MROH2A: variants seen among roughly 807,000 people sequenced by gnomAD.
The protein encoded by MROH2A is maestro heat-like repeat-containing protein family member 2A.
In MROH2A, 174 loss-of-function variants were observed where a neutral mutation model predicts 200.4. The ratio of observed to expected loss-of-function variants is 0.87; its 90% CI spans 0.77 to 0.98. The LOEUF (loss-of-function observed/expected upper bound fraction) is 0.98. Ranked by LOEUF, MROH2A falls within the 50% of genes least tolerant of loss-of-function variation. The pLI, the probability that MROH2A is intolerant of heterozygous loss-of-function variation, is 0.00. For synonymous variants in MROH2A, 829 were observed against 840.4 expected (o/e 0.99, Z 0.23); for missense variants, 2,045 against 2,139.6 (o/e 0.96, Z 0.87).
At position 233,805,060 on chromosome 2, in the gene MROH2A, T is replaced by C. The variant is rs4430949; in HGVS notation, c.2001T>C (p.Ser667=). 0.25 allele frequency: 383,033 copies of C among 1,549,586 alleles called. 53,130 individuals carry two copies. Among genetic ancestry groups the C allele is most frequent in the African/African-American group, 0.53 (38,409 of 73,014 alleles). ...GGTCTAGCTGGAGCCTGCGCTTGAGTAAAGAGCTGAACAACCAGATTGCGA... is the reference window on the plus strand; with the variant it reads ...GGTCTAGCTGGAGCCTGCGCTTGAGCAAAGAGCTGAACAACCAGATTGCGA... ...TRGSSWSLRL[S]KELNNQIASF... Residue 667 remains serine (S), a synonymous_variant, in exon 19 of 42, where the codon AGT becomes AGC. Transcript: ENST00000389758.
At chr2:233,816,240 TTC>T (rs1703515437) in intron 26 of MROH2A, among the ~76,000 whole-genome samples, 1 of 152,228 alleles carries the variant, frequency 6.6e-6, no homozygotes, top group African/African-American at 2.4e-5. Flanking sequence ...CTTTTTGATG[TTC>T]TGTCTTTTTG....
chr2:233,780,747 T>C (rs1252735434), intron 3 of MROH2A, among the ~76,000 whole-genome samples: 1 of 152,214 alleles, frequency 6.6e-6, no homozygotes, highest in Non-Finnish European at 1.5e-5. Context: ...CATTCAAAAC[T>C]GTTTCTTCTA....
In MROH2A at chr2:233,800,384, A is replaced by C. The variant is rs539396898; in HGVS notation, c.1560+69A>C. The C allele has an allele frequency of 7.0e-6, 6 of 862,014 alleles. No individual in the cohort carries two copies. In the South Asian group the frequency reaches 8.6e-5, roughly 12 times the overall value. 53.4% of individuals were successfully genotyped at this position (862,014 alleles called of 1,614,324 possible). On this transcript the variant is annotated intron_variant, in intron 14 of 41. Coordinates refer to ENST00000389758, the MANE Select transcript of MROH2A (RefSeq NM_001394639.1). ...GGCTGGGGGTGAACCACACATGCCC[A>C]GAATTCCACATCTTTGCTTCTTCCG...
chr2:233,804,202 C>T lies in MROH2A; in HGVS notation c.1891+10C>T. 2 of 1,550,254 alleles carry T rather than the reference C, an allele frequency of 1.3e-6. No individual in the cohort carries two copies. Among genetic ancestry groups the T allele is most frequent in the Non-Finnish European group, 1.7e-6 (2 of 1,146,834 alleles). The stretch of plus-strand genomic sequence containing the variant: ...GTCCGGTACCTGGAAGGTGAGGTTC[C>T]TGGGGAGCCCATCCCAAGCCAACCC... On this transcript the variant is annotated intron_variant, in intron 17 of 41. Transcript: ENST00000389758.
intron 35 of MROH2A, among the ~76,000 whole-genome samples, chr2:233,826,648 G>C (rs1704328573): frequency 6.6e-6 from 1 of 152,142 alleles, no homozygotes; most frequent in East Asian, 1.9e-4. Flanking sequence ...ATACCATTCA[G>C]GACATGGGCA....
intron 22 of MROH2A, among the ~76,000 whole-genome samples, chr2:233,809,947 C>T (rs7588641): frequency 0.24 from 36,176 of 152,100 alleles, 4,586 homozygotes; most frequent in African/African-American, 0.32. Flanking sequence ...CTTTACTCTT[C>T]CTGTCTGTGT....
intron 6 of MROH2A, 39 bp from the exon 7 acceptor site, chr2:233,793,634 C>T (rs1006526093): frequency 1.1e-4 from 144 of 1,341,094 alleles, no homozygotes; most frequent in African/African-American, 1.4e-4. Flanking sequence ...GCTTCCAGCC[C>T]CTCTGGCGCC....
intron 25 of MROH2A, 57 bp from the exon 26 acceptor site, chr2:233,814,525 A>AG (rs1242624218): frequency 1.8e-5 from 23 of 1,278,706 alleles, no homozygotes; most frequent in Non-Finnish European, 2.2e-5. Flanking sequence ...CCCTGCAGGG[A>AG]GGGGGGTTGT....
chr2:233,792,771 G>A (rs1346150928), intron 5 of MROH2A, 25 bp from the exon 6 acceptor site: 1 of 1,458,376 alleles, frequency 6.9e-7, no homozygotes, highest in East Asian at 2.5e-5. Context: ...CCAACTTCCT[G>A]TAATCATCCC....
Position 233,804,055 on chromosome 2 carries a change from T to C in MROH2A, c.1754T>C (p.Leu585Pro), listed in dbSNP as rs1373332907. Residue 585 changes from leucine (L) to proline (P), a missense_variant, in exon 17 of 42, where the codon CTG becomes CCG. By Grantham distance (98) the Leu-to-Pro change is moderately conservative (BLOSUM62 -3). This residue lies in a region of MROH2A where 831 missense variants were observed against 800.0 expected (regional missense o/e 1.04). Coordinates refer to ENST00000389758, the MANE Select transcript of MROH2A (RefSeq NM_001394639.1). ...PQKLLARLLV[L>P]MSSPYKGEGR... Reference sequence around the variant, plus strand: ...TGGAGCCTTGGTGCCCTCCAGGTGCTGATGTCATCACCTTACAAGGGGGAG... The same window carrying C: ...TGGAGCCTTGGTGCCCTCCAGGTGCCGATGTCATCACCTTACAAGGGGGAG... 5 of 1,550,414 alleles carry C rather than the reference T, an allele frequency of 3.2e-6. No homozygotes were observed. Among genetic ancestry groups the C allele is most frequent in the Non-Finnish European group, 4.4e-6 (5 of 1,146,970 alleles).
intron 3 of MROH2A, among the ~76,000 whole-genome samples, chr2:233,783,223 G>A (rs1049758162): frequency 6.6e-6 from 1 of 152,018 alleles, no homozygotes; most frequent in Non-Finnish European, 1.5e-5. Flanking sequence ...GGGTAATGCT[G>A]GCCTTGTAGT....
At chr2:233,804,371 G>A in intron 17 of MROH2A, 124 bp from the exon 18 acceptor site, 1 of 1,311,810 alleles carries the variant, frequency 7.6e-7, no homozygotes, top group Admixed American at 2.1e-5. Flanking sequence ...AATGCAACGT[G>A]TGATGTGTTC....
At chr2:233,831,679 G>T in intron 39 of MROH2A, 139 bp downstream of exon 39, 1 of 961,054 alleles carries the variant, frequency 1.0e-6, no homozygotes, top group Non-Finnish European at 1.5e-6. Flanking sequence ...CCGGCACTGT[G>T]CAGCAGAAAT....
chr2:233,789,856 A>T lies in MROH2A; in HGVS notation c.413A>T (p.Glu138Val). 1 of 1,548,844 alleles carries T rather than the reference A, an allele frequency of 6.5e-7. No individual in the cohort carries two copies. Among genetic ancestry groups the T allele is most frequent in the Admixed American group, 2.0e-5 (1 of 50,854 alleles). The change falls in exon 5 of 42, where the codon GAG becomes GTG. Residue 138 changes from glutamate (E) to valine (V), a missense_variant. Around this residue, in one of 3 missense-constraint regions of MROH2A, gnomAD observed 831 missense variants for 800.0 expected, o/e 1.04. Coordinates refer to ENST00000389758, the MANE Select transcript of MROH2A (RefSeq NM_001394639.1). The part of the protein sequence containing the change: ...SKEMREIPEM[E>V]GYMKAEVASD... ...TCCCTCTTCTGTCTCCTGCAGATGG[A>T]GGGCTATATGAAGGCAGAGGTGGCC...
intron 31 of MROH2A, among the ~76,000 whole-genome samples, chr2:233,821,147 G>A (rs1236130243): frequency 6.6e-6 from 1 of 152,198 alleles, no homozygotes; most frequent in Non-Finnish European, 1.5e-5. Context: ...CATGGTTCAG[G>A]AGTCAAGGCA....
chr2:233,803,338 G>A lies in MROH2A; in HGVS notation c.1709-110G>A, dbSNP rs961426283. On this transcript the variant is annotated intron_variant, in intron 15 of 41. Coordinates refer to ENST00000389758, the MANE Select transcript of MROH2A (RefSeq NM_001394639.1). ...TCCATTCTGGGGGTTTGGGGAACAA[G>A]ATCATGTTGGGGAGGAACCTTCTAG... is the stretch of plus-strand genomic sequence containing the variant. 2.0e-5 allele frequency: 24 copies of A among 1,180,820 alleles called. No homozygotes were observed. In the African/African-American group the frequency reaches 2.9e-4, roughly 14 times the overall value. 73.1% of individuals were successfully genotyped at this position (1,180,820 alleles called of 1,614,324 possible).
At position 233,828,528 on chromosome 2, in the gene MROH2A, C is replaced by T. The variant is rs1704476052; in HGVS notation, c.4114-102C>T. ...GCTCTCAGAGCCCCTCCCCTCCTGT[C>T]CACAGAGCCACCAATCTGCATTACC... is the stretch of plus-strand genomic sequence containing the variant. On this transcript the variant is annotated intron_variant, in intron 35 of 41. Transcript: ENST00000389758. The surrounding 1 kb of genome is among the most constrained non-coding windows in gnomAD (Gnocchi z 4.6). 2 of 1,417,258 alleles carry T rather than the reference C, an allele frequency of 1.4e-6. No homozygotes were observed. Among genetic ancestry groups the T allele is most frequent in the Non-Finnish European group, 9.5e-7 (1 of 1,053,510 alleles). 87.8% of individuals were successfully genotyped at this position (1,417,258 alleles called of 1,614,324 possible).
chr2:233,819,090 A>G (rs551331200), intron 29 of MROH2A, among the ~76,000 whole-genome samples: 1 of 152,362 alleles, frequency 6.6e-6, no homozygotes, highest in Non-Finnish European at 1.5e-5. Context: ...GCACGTGGGC[A>G]GGCTCATGGC....
At position 233,778,419 on chromosome 2, in the gene MROH2A, C is replaced by A. The variant is rs1003382414; in HGVS notation, c.-77C>A. ...GCATTTCCATTGATGTGTATTGGGC[C>A]AAGAGCAGAGCTTTTTCTTGTGGTT... On this transcript the variant is annotated 5_prime_UTR_variant, in exon 1 of 42. Transcript: ENST00000389758. The A allele has an allele frequency of 1.2e-5, 2 of 169,236 alleles. No individual in the cohort carries two copies. Among genetic ancestry groups the A allele is most frequent in the Non-Finnish European group, 2.9e-5 (2 of 68,306 alleles). 10.5% of individuals were successfully genotyped at this position (169,236 alleles called of 1,614,324 possible).
Sources: allele counts gnomAD v4.1 joint callset (sites outside exome capture counted in the v4.1 genomes callset), GRCh38; gene constraint gnomAD v4.1.1; regional missense constraint gnomAD v4.1.1; non-coding constraint Gnocchi (gnomAD v3.1); transcripts MANE v1.5; gene names NCBI Gene and HGNC (gene_info 2026-07-23, HGNC 2026-07-21).